MYO5A: variants seen among roughly 807,000 people sequenced by gnomAD.
MYO5A encodes the protein myosin VA.
In MYO5A, 98 loss-of-function variants were observed where a neutral mutation model predicts 249.7. That is an observed-to-expected ratio of 0.39 (90% CI 0.33 to 0.46). The LOEUF is 0.46. Among genes scored for constraint, MYO5A ranks in the 20% least tolerant of loss-of-function variants. The pLI is 0.98. For missense variants in MYO5A, 1,696 were observed against 2,308.8 expected (o/e 0.73, Z 5.44); for synonymous variants, 778 against 810.6 (o/e 0.96, Z 0.68).
chr15:52,406,642 G>GT (rs3838858), intron 8 of MYO5A, among the ~76,000 whole-genome samples: 55 of 149,784 alleles, frequency 3.7e-4, no homozygotes, highest in Admixed American at 1.3e-3. Context: ...ATATTCTGAG[G>GT]TTTTTTTTTT....
intron 1 of MYO5A, among the ~76,000 whole-genome samples, chr15:52,469,472 A>G (rs1308362059): frequency 6.6e-6 from 1 of 152,140 alleles, no homozygotes; most frequent in Non-Finnish European, 1.5e-5. Flanking sequence ...CTTCATACTG[A>G]GTAGGCTGAG....
rs188627828 is a variant in MYO5A, at chr15:52,499,293, T to C, written c.27+29487A>G. Among the ~76,000 whole-genome samples, 658 of 152,366 alleles carry C rather than the reference T, an allele frequency of 4.3e-3. 2 individuals are homozygous for C. Among genetic ancestry groups the C allele is most frequent in the Middle Eastern group, 0.01 (3 of 294 alleles). The stretch of plus-strand genomic sequence containing the variant: ...AAAAGGTTAGAAGATTCTGAAGCAT[T>C]AATGGATTTTCTTTTTTTATTATTA... On this transcript the variant is annotated intron_variant, in intron 1 of 41. Coordinates refer to ENST00000399233, the MANE Select transcript of MYO5A (RefSeq NM_001382347.1).
At chr15:52,359,931 C>T (rs1457716200) in intron 25 of MYO5A, 37 bp downstream of exon 25, 2 of 1,419,612 alleles carry the variant, frequency 1.4e-6, no homozygotes, top group Admixed American at 1.7e-5. Context: ...ACAGCATGCT[C>T]ATATCCTACT....
intron 15 of MYO5A, among the ~76,000 whole-genome samples, chr15:52,383,457 C>A (rs1329212888): frequency 6.6e-6 from 1 of 152,138 alleles, no homozygotes; most frequent in Non-Finnish European, 1.5e-5. Flanking sequence ...GCTACAGAAA[C>A]CTGTTATGAG....
At chr15:52,495,475 T>C (rs992247127) in intron 1 of MYO5A, among the ~76,000 whole-genome samples, 17 of 148,560 alleles carry the variant, frequency 1.1e-4, no homozygotes, top group Non-Finnish European at 3.0e-5. Context: ...CAGAGATCTA[T>C]TGTACTTCAT....
chr15:52,481,960 T>C (rs2076723250), intron 1 of MYO5A, among the ~76,000 whole-genome samples: 1 of 152,216 alleles, frequency 6.6e-6, no homozygotes, highest in African/African-American at 2.4e-5. Context: ...TCAGTATTAT[T>C]CTACATCAGT....
intron 1 of MYO5A, among the ~76,000 whole-genome samples, chr15:52,491,787 CAACTACT>C (rs1302532262): frequency 1.3e-5 from 2 of 152,108 alleles, no homozygotes; most frequent in African/African-American, 4.8e-5. Flanking sequence ...CATCTAGATC[CAACTACT>C]AATTTACAAA....
chr15:52,404,952 T>C (rs946460075), intron 9 of MYO5A, among the ~76,000 whole-genome samples: 4 of 152,066 alleles, frequency 2.6e-5, no homozygotes, highest in Non-Finnish European at 4.4e-5. Context: ...TGATCCCTAA[T>C]AGCTTTAACT....
chr15:52,434,676 C>T (rs1613483), intron 1 of MYO5A, among the ~76,000 whole-genome samples: 145,312 of 152,308 alleles, frequency 0.95, 69,694 homozygotes, highest in East Asian at 1. Flanking sequence ...CTAACATGCA[C>T]AAATCTTTCG....
At chr15:52,498,243 T>G (rs929904788) in intron 1 of MYO5A, among the ~76,000 whole-genome samples, 3 of 152,232 alleles carry the variant, frequency 2.0e-5, no homozygotes, top group Non-Finnish European at 4.4e-5. Flanking sequence ...TTGCTGGACA[T>G]CTACGTTATC....
intron 1 of MYO5A, among the ~76,000 whole-genome samples, chr15:52,452,859 AAAAT>A (rs1025207761): frequency 6.6e-6 from 1 of 152,088 alleles, no homozygotes; most frequent in African/African-American, 2.4e-5. Flanking sequence ...AAAAAAAAAA[AAAAT>A]AGCCATAGGA....
intron 1 of MYO5A, among the ~76,000 whole-genome samples, chr15:52,446,489 G>A (rs1446518952): frequency 6.6e-6 from 1 of 152,246 alleles, no homozygotes; most frequent in Non-Finnish European, 1.5e-5. Flanking sequence ...AGCCCTCATA[G>A]AGAACCTCTA....
chr15:52,505,763 T>C lies in MYO5A; in HGVS notation c.27+23017A>G, dbSNP rs191392402. The C allele has an allele frequency of 1.9e-4, 293 of 1,527,122 alleles. No homozygotes were observed. In the African/African-American group the frequency reaches 3.2e-3, roughly 17 times the overall value. The allele number at this position is 1,527,122 out of a possible 1,614,324, so 94.6% of individuals were successfully genotyped here. A position where few individuals can be genotyped will look rare whatever the true frequency, so the allele number is the denominator to read the frequency against. ...AAGAAACTTCAAATACAGTGTGTAGTTGAGGATGATAAAGTTGGAACAGAT... is the reference window on the plus strand; with the variant it reads ...AAGAAACTTCAAATACAGTGTGTAGCTGAGGATGATAAAGTTGGAACAGAT... On this transcript the variant is annotated intron_variant, in intron 1 of 41. Coordinates refer to ENST00000399233, the MANE Select transcript of MYO5A (RefSeq NM_001382347.1).
At chr15:52,313,916 A>G in intron 41 of MYO5A, 68 bp from the exon 42 acceptor site, 1 of 1,568,174 alleles carries the variant, frequency 6.4e-7, no homozygotes, top group Non-Finnish European at 8.7e-7. Flanking sequence ...TTTTTCTACT[A>G]AAATTTCTAC....
intron 16 of MYO5A, among the ~76,000 whole-genome samples, chr15:52,380,547 T>G (rs921861510): frequency 6.0e-5 from 9 of 150,050 alleles, no homozygotes; most frequent in African/African-American, 2.2e-4. Context: ...GGCAGGCGGA[T>G]CACGAGGTCA....
At chr15:52,348,217 G>C (rs1392591287) in intron 29 of MYO5A, among the ~76,000 whole-genome samples, 2 of 152,182 alleles carry the variant, frequency 1.3e-5, no homozygotes, top group Non-Finnish European at 2.9e-5. Context: ...CTCAAACTTT[G>C]TCTCTCTTAA....
In MYO5A at chr15:52,370,248, C is replaced by T. The variant is rs200975586; in HGVS notation, c.2987G>A (p.Arg996Gln). The T allele has an allele frequency of 2.4e-5, 38 of 1,614,076 alleles. No individual in the cohort carries two copies. The highest frequency in any genetic ancestry group is 6.7e-5 in the African/African-American group (5 of 75,032). ...LSLQEEIAKL[R>Q]KDLEQTRSEK... ...TGAACGAGTTTGCTCCAGGTCTTTC[C>T]GGAGCTTGGCAATTTCTTCCTGCAG... The change falls in exon 22 of 42, where the codon CGG (arginine) becomes CAG (glutamine). Residue 996 changes from arginine (R) to glutamine (Q), a missense_variant. Arg to Gln is a conservative substitution (Grantham distance 43). Around this residue, in one of 5 missense-constraint regions of MYO5A, gnomAD observed 412 missense variants for 453.3 expected, o/e 0.91. Coordinates refer to ENST00000399233, the MANE Select transcript of MYO5A (RefSeq NM_001382347.1).
At chr15:52,408,393 C>A (rs1315201809) in intron 6 of MYO5A, among the ~76,000 whole-genome samples, 1 of 151,978 alleles carries the variant, frequency 6.6e-6, no homozygotes, top group Non-Finnish European at 1.5e-5. Context: ...TAGTGAACAG[C>A]TTGATATATG....
chr15:52,384,356 TA>T, intron 14 of MYO5A, 34 bp from the exon 15 acceptor site: 1 of 1,604,554 alleles, frequency 6.2e-7, no homozygotes, highest in South Asian at 1.1e-5. Flanking sequence ...AATTACATTC[TA>T]AACCAAACTT....
Sources: allele counts gnomAD v4.1 joint callset (sites outside exome capture counted in the v4.1 genomes callset), GRCh38; gene constraint gnomAD v4.1.1; regional missense constraint gnomAD v4.1.1; transcripts MANE v1.5; gene names NCBI Gene and HGNC (gene_info 2026-07-23, HGNC 2026-07-21).